Variants in KLHL29 observed in about 807,000 individuals in gnomAD.
The protein encoded by KLHL29 is kelch-like protein 29.
In KLHL29, 21 loss-of-function variants were observed where a neutral mutation model predicts 80.4. That is an observed-to-expected ratio of 0.26 (90% CI 0.19 to 0.38). The LOEUF is 0.38. KLHL29 is among the 10% of genes least tolerant of loss of function. The pLI is 1.00. For synonymous variants in KLHL29, 511 were observed against 526.8 expected (o/e 0.97, Z 0.41); for missense variants, 867 against 1,223.9 (o/e 0.71, Z 4.35).
rs1230261978 is a variant in KLHL29, at chr2:23,647,312, T to C, written c.940+4462T>C. On this transcript the variant is annotated intron_variant, in intron 5 of 13. Transcript: ENST00000486442. This position sits in a 1 kb window ranked among gnomAD's most constrained non-coding sequence, Gnocchi z 4.9. ...TCTGGAAGAAGCTGGGAATGCATGATAAAGCTGTTCGCCCACACTCAGGCC... is the reference window on the plus strand; with the variant it reads ...TCTGGAAGAAGCTGGGAATGCATGACAAAGCTGTTCGCCCACACTCAGGCC... Among the ~76,000 whole-genome samples the C allele has an allele frequency of 6.6e-6, 1 of 152,200 alleles. No homozygotes were observed. Among genetic ancestry groups the C allele is most frequent in the African/African-American group, 2.4e-5 (1 of 41,450 alleles).
At chr2:23,583,413 A>G (rs566008844) in intron 3 of KLHL29, among the ~76,000 whole-genome samples, 1 of 152,324 alleles carries the variant, frequency 6.6e-6, no homozygotes, top group African/African-American at 2.4e-5. Context: ...ATGAAACACC[A>G]TCACACCTTC....
At chr2:23,625,239 G>C (rs903531025) in intron 3 of KLHL29, among the ~76,000 whole-genome samples, 1 of 152,226 alleles carries the variant, frequency 6.6e-6, no homozygotes, top group African/African-American at 2.4e-5. Flanking sequence ...AGCAGGACAC[G>C]GGGTATAACT....
chr2:23,505,364 G>A lies in KLHL29; in HGVS notation c.-46+29697G>A, dbSNP rs1030284203. On this transcript the variant is annotated intron_variant, in intron 2 of 13. Coordinates refer to ENST00000486442, the MANE Select transcript of KLHL29 (RefSeq NM_052920.2). The stretch of plus-strand genomic sequence containing the variant: ...AGGCATGTGCTCAGAGGCTCTCCCC[G>A]GCTGGGGCCCTGATGGACACTTTGC... Among the ~76,000 whole-genome samples the A allele has an allele frequency of 5.9e-5, 9 of 152,204 alleles. 1 individual carries two copies. The highest frequency in any genetic ancestry group is 1.4e-4 in the African/African-American group (6 of 41,450).
chr2:23,619,857 C>A (rs997387134), intron 3 of KLHL29, among the ~76,000 whole-genome samples: 1 of 152,224 alleles, frequency 6.6e-6, no homozygotes, highest in Non-Finnish European at 1.5e-5. Context: ...ATGTACCAGG[C>A]CTTATCCTGG....
At chr2:23,515,955 C>T (rs974645136) in intron 2 of KLHL29, among the ~76,000 whole-genome samples, 2 of 152,218 alleles carry the variant, frequency 1.3e-5, no homozygotes, top group African/African-American at 2.4e-5. Context: ...GGACTAGTCA[C>T]GCATGCTTTA....
intron 2 of KLHL29, among the ~76,000 whole-genome samples, chr2:23,536,628 A>G (rs1244031461): frequency 6.6e-6 from 1 of 152,132 alleles, no homozygotes; most frequent in Non-Finnish European, 1.5e-5. Context: ...GGGGCTGCCA[A>G]CCTTTTCGTT....
intron 1 of KLHL29, among the ~76,000 whole-genome samples, chr2:23,415,716 T>G (rs931707434): frequency 5.9e-5 from 9 of 151,984 alleles, no homozygotes; most frequent in African/African-American, 2.2e-4. Context: ...TTTTTTTTTT[T>G]GACATAGACT....
intron 1 of KLHL29, among the ~76,000 whole-genome samples, chr2:23,462,694 G>A (rs1171579978): frequency 2.0e-5 from 3 of 152,144 alleles, no homozygotes; most frequent in African/African-American, 7.2e-5. Context: ...CCAAACATAA[G>A]GCAGTTCCCC....
intron 3 of KLHL29, among the ~76,000 whole-genome samples, chr2:23,578,791 G>A (rs568241535): frequency 2.4e-4 from 36 of 152,286 alleles, no homozygotes; most frequent in Middle Eastern, 3.4e-3. Flanking sequence ...TTCCACGGTC[G>A]TATATTCTCA....
chr2:23,610,769 A>C (rs1366992908), intron 3 of KLHL29, among the ~76,000 whole-genome samples: 1 of 152,256 alleles, frequency 6.6e-6, no homozygotes. Context: ...GGCCCAGATC[A>C]CCTTCCATTC....
chr2:23,655,269 G>T (rs80247909), intron 5 of KLHL29, among the ~76,000 whole-genome samples: 3 of 152,154 alleles, frequency 2.0e-5, no homozygotes, highest in African/African-American at 7.2e-5. Context: ...TCAGAGCATC[G>T]CCAATGCAAT....
chr2:23,539,191 G>A (rs538312175), intron 2 of KLHL29, among the ~76,000 whole-genome samples: 62 of 118,520 alleles, frequency 5.2e-4, no homozygotes, highest in African/African-American at 2.1e-3. Flanking sequence ...CCTGGGGATC[G>A]TACTGGTTCA....
chr2:23,386,338 T>G (rs1039605134), intron 1 of KLHL29, among the ~76,000 whole-genome samples: 1 of 152,158 alleles, frequency 6.6e-6, no homozygotes, highest in Non-Finnish European at 1.5e-5. Flanking sequence ...CTGGGTCTCT[T>G]TACTCAATCC....
intron 1 of KLHL29, among the ~76,000 whole-genome samples, chr2:23,406,539 G>A (rs1479102617): frequency 2.6e-5 from 4 of 152,108 alleles, no homozygotes; most frequent in African/African-American, 9.7e-5. Context: ...ACTTCCGGAT[G>A]GCTTCATTTA....
intron 2 of KLHL29, among the ~76,000 whole-genome samples, chr2:23,508,831 A>G (rs1424113093): frequency 1.3e-5 from 2 of 152,194 alleles, no homozygotes; most frequent in African/African-American, 4.8e-5. Context: ...TTTAACATAA[A>G]GCACAGCCTA....
intron 3 of KLHL29, among the ~76,000 whole-genome samples, chr2:23,583,356 C>A (rs1424930123): frequency 6.6e-6 from 1 of 152,200 alleles, no homozygotes; most frequent in Non-Finnish European, 1.5e-5. Flanking sequence ...TGAGTTTAAT[C>A]CAGGAGCAGC....
At chr2:23,686,599 C>T (rs984746721) in intron 6 of KLHL29, among the ~76,000 whole-genome samples, 1 of 152,044 alleles carries the variant, frequency 6.6e-6, no homozygotes, top group Non-Finnish European at 1.5e-5. Context: ...TCAGAGGTCA[C>T]GGGCATCAGA....
chr2:23,394,396 A>G (rs1666397439), intron 1 of KLHL29, among the ~76,000 whole-genome samples: 1 of 152,190 alleles, frequency 6.6e-6, no homozygotes, highest in South Asian at 2.1e-4. Flanking sequence ...TTCCTGTGGC[A>G]TCTCATTTTT....
chr2:23,502,536 G>A (rs1052893364), intron 2 of KLHL29, among the ~76,000 whole-genome samples: 2 of 152,284 alleles, frequency 1.3e-5, no homozygotes, highest in Admixed American at 6.5e-5. Context: ...GGGCAGAGAC[G>A]GCTCTGGCCC....
Sources: gnomAD v4.1 joint callset for allele counts (sites outside exome capture counted in the v4.1 genomes callset) on GRCh38, gnomAD v4.1.1 for gene constraint, Gnocchi (gnomAD v3.1) non-coding constraint, MANE v1.5 for transcripts, NCBI Gene and HGNC (gene_info 2026-07-23, HGNC 2026-07-21) for gene names.